ATP6V0A4: variants seen among roughly 807,000 people sequenced by gnomAD.
ATP6V0A4 encodes ATPase H+ transporting V0 subunit a4.
Under a neutral mutation model 107.3 loss-of-function variants are expected in ATP6V0A4, and 86 were observed. That is an observed-to-expected ratio of 0.80 (90% CI 0.67 to 0.96). ATP6V0A4 has a LOEUF of 0.96. Ranked by LOEUF, ATP6V0A4 falls within the 40% of genes least tolerant of loss-of-function variation. The pLI is 0.00. For missense variants in ATP6V0A4, 908 were observed against 1,045.6 expected (o/e 0.87, Z 1.81); for synonymous variants, 353 against 381.4 (o/e 0.93, Z 0.87).
intron 20 of ATP6V0A4, among the ~76,000 whole-genome samples, chr7:138,710,674 A>G (rs1803693619): frequency 6.6e-6 from 1 of 152,260 alleles, no homozygotes; most frequent in African/African-American, 2.4e-5. Context: ...CAGTCACTGC[A>G]ATGTACAAGG....
At position 138,786,237 on chromosome 7, in the gene ATP6V0A4, G is replaced by C. The variant is rs942507432; in HGVS notation, c.-97C>G. The C allele has an allele frequency of 6.6e-6, 1 of 152,190 alleles. No homozygotes were observed. The highest frequency in any genetic ancestry group is 1.5e-5 in the Non-Finnish European group (1 of 68,070). 9.4% of individuals were successfully genotyped at this position (152,190 alleles called of 1,614,324 possible). On this transcript the variant is annotated 5_prime_UTR_variant, in exon 2 of 22. Coordinates refer to ENST00000310018, the MANE Select transcript of ATP6V0A4 (RefSeq NM_020632.3). Reference sequence around the variant, plus strand: ...TTTCATTCCTGTCTTCACTTGCCACGTCATGGAGGAACTGGAAATGAGACT... The same window carrying C: ...TTTCATTCCTGTCTTCACTTGCCACCTCATGGAGGAACTGGAAATGAGACT...
chr7:138,796,401 C>T (rs75962475), intron 1 of ATP6V0A4, among the ~76,000 whole-genome samples: 3,243 of 152,212 alleles, frequency 0.021, 118 homozygotes, highest in African/African-American at 0.074. Context: ...AAAGTGCCTC[C>T]CCTGGGCTGT....
At chr7:138,788,304 G>A (rs1808257550) in intron 1 of ATP6V0A4, among the ~76,000 whole-genome samples, 1 of 152,204 alleles carries the variant, frequency 6.6e-6, no homozygotes, top group Non-Finnish European at 1.5e-5. Flanking sequence ...TGTGCCAACA[G>A]AAATATTTTG....
At chr7:138,716,089 T>C (rs188779526) in intron 19 of ATP6V0A4, 1 of 291,236 alleles carries the variant, frequency 3.4e-6, no homozygotes, top group Non-Finnish European at 5.1e-6. Context: ...CAGCAATAGC[T>C]GAAAAAAAGC....
At chr7:138,784,270 A>ACG (rs1226577374) in intron 2 of ATP6V0A4, among the ~76,000 whole-genome samples, 6 of 33,380 alleles carry the variant, frequency 1.8e-4, no homozygotes, top group African/African-American at 6.0e-4. Context: ...ATATATACAT[A>ACG]TATATATATA....
At chr7:138,781,576 C>G (rs1318653600) in intron 2 of ATP6V0A4, among the ~76,000 whole-genome samples, 1 of 152,190 alleles carries the variant, frequency 6.6e-6, no homozygotes, top group African/African-American at 2.4e-5. Flanking sequence ...GTGATCCACC[C>G]ACCCTGGCCT....
intron 2 of ATP6V0A4, among the ~76,000 whole-genome samples, chr7:138,781,579 C>A (rs1807923660): frequency 2.0e-5 from 3 of 152,206 alleles, no homozygotes; most frequent in Admixed American, 6.5e-5. Context: ...ATCCACCCAC[C>A]CTGGCCTCCC....
chr7:138,720,884 G>T (rs920103432), intron 19 of ATP6V0A4, among the ~76,000 whole-genome samples: 1 of 152,106 alleles, frequency 6.6e-6, no homozygotes, highest in Admixed American at 6.6e-5. Flanking sequence ...TGATCCGCCC[G>T]CCTTGGCCTC....
chr7:138,714,886 G>A (rs1803952866), intron 20 of ATP6V0A4, among the ~76,000 whole-genome samples: 1 of 152,240 alleles, frequency 6.6e-6, no homozygotes, highest in Non-Finnish European at 1.5e-5. Flanking sequence ...TTGCAGATGA[G>A]ATTAAGCCAA....
At chr7:138,789,656 C>T (rs1368481095) in intron 1 of ATP6V0A4, among the ~76,000 whole-genome samples, 1 of 151,446 alleles carries the variant, frequency 6.6e-6, no homozygotes, top group African/African-American at 2.4e-5. Flanking sequence ...TATTGCTTTC[C>T]TGTGAAATAA....
In ATP6V0A4 at chr7:138,732,100, C is replaced by T. The variant is rs555335648; in HGVS notation, c.1908+777G>A. ...CTCACAGAAGAGCATGAGTTTGATTCGTGCTTTTCCAGAAACTGTCTGCCC... is the reference window on the plus strand; with the variant it reads ...CTCACAGAAGAGCATGAGTTTGATTTGTGCTTTTCCAGAAACTGTCTGCCC... On this transcript the variant is annotated intron_variant, in intron 17 of 21. Transcript: ENST00000310018. Among the ~76,000 whole-genome samples the T allele has an allele frequency of 6.4e-4, 97 of 152,144 alleles. 1 individual carries two copies. Among genetic ancestry groups the T allele is most frequent in the African/African-American group, 2.3e-3 (96 of 41,516 alleles).
chr7:138,746,020 C>T (rs6960578), intron 13 of ATP6V0A4, among the ~76,000 whole-genome samples: 67,226 of 119,396 alleles, frequency 0.56, 19,860 homozygotes, highest in East Asian at 0.81. Flanking sequence ...ATATTTATAA[C>T]ATAATATATA....
chr7:138,721,696 G>A (rs1308651090), intron 19 of ATP6V0A4, among the ~76,000 whole-genome samples: 1 of 152,138 alleles, frequency 6.6e-6, no homozygotes, highest in Non-Finnish European at 1.5e-5. Flanking sequence ...TGCCCAGATT[G>A]GTTGCTAAAT....
At chr7:138,767,320 C>G (rs965597556) in intron 5 of ATP6V0A4, among the ~76,000 whole-genome samples, 2 of 152,078 alleles carry the variant, frequency 1.3e-5, no homozygotes, top group African/African-American at 4.8e-5. Flanking sequence ...GTCAGGAGTT[C>G]GAGACCAGCC....
At chr7:138,764,319 G>A (rs1414930181) in intron 5 of ATP6V0A4, among the ~76,000 whole-genome samples, 3 of 152,068 alleles carry the variant, frequency 2.0e-5, no homozygotes, top group Non-Finnish European at 4.4e-5. Context: ...CAGACACATG[G>A]TGTGTGCTGA....
chr7:138,721,462 C>G (rs1804417506), intron 19 of ATP6V0A4, among the ~76,000 whole-genome samples: 1 of 152,160 alleles, frequency 6.6e-6, no homozygotes, highest in South Asian at 2.1e-4. Flanking sequence ...TCACTTGAGC[C>G]TGGGAGGCGG....
At chr7:138,746,770 G>A (rs1208084477) in intron 13 of ATP6V0A4, among the ~76,000 whole-genome samples, 1 of 152,014 alleles carries the variant, frequency 6.6e-6, no homozygotes, top group Admixed American at 6.6e-5. Flanking sequence ...TCCCAAAGTG[G>A]TGGGGTTACA....
intron 12 of ATP6V0A4, 135 bp from the exon 13 acceptor site, chr7:138,747,699 T>A: frequency 7.3e-7 from 1 of 1,365,314 alleles, no homozygotes; most frequent in East Asian, 2.5e-5. Context: ...TCACCATCCC[T>A]ACCCTGACAC....
In ATP6V0A4 at chr7:138,775,700, G is replaced by GA. The variant is rs1807627687; in HGVS notation, c.-17-4437dup. On this transcript the variant is annotated intron_variant, in intron 2 of 21. Coordinates refer to ENST00000310018, the MANE Select transcript of ATP6V0A4 (RefSeq NM_020632.3). ...GTCTCTCGCTCTGTCGCCCAGGCTG[G>GA]AGTGCAGTGGCGCGATCTCGGCTCA... Among the ~76,000 whole-genome samples, 6 of 147,652 alleles carry GA rather than the reference G, an allele frequency of 4.1e-5. No homozygotes were observed. The South Asian group carries it at 1.3e-3, about 32-fold the overall frequency.
Sources: allele counts gnomAD v4.1 joint callset (sites outside exome capture counted in the v4.1 genomes callset), GRCh38; gene constraint gnomAD v4.1.1; transcripts MANE v1.5; gene names NCBI Gene and HGNC (gene_info 2026-07-23, HGNC 2026-07-21).